The following MTUS2 variants were observed in gnomAD, a reference collection of about 807,000 sequenced individuals.
MTUS2 encodes microtubule associated scaffold protein 2.
In MTUS2, 40 loss-of-function variants were observed where a neutral mutation model predicts 114.1. The ratio of observed to expected loss-of-function variants is 0.35; its 90% CI spans 0.27 to 0.46. The LOEUF (loss-of-function observed/expected upper bound fraction) is 0.46, where lower values mean the gene tolerates loss of function less well. MTUS2 is among the 20% of genes least tolerant of loss of function. MTUS2 has a pLI of 1.00. For synonymous variants in MTUS2, 688 were observed against 672.0 expected (o/e 1.02, Z -0.37); for missense variants, 1,679 against 1,705.4 (o/e 0.98, Z 0.27).
At chr13:29,398,255 G>A (rs1449222453) in intron 8 of MTUS2, among the ~76,000 whole-genome samples, 3 of 152,156 alleles carry the variant, frequency 2.0e-5, no homozygotes, top group Non-Finnish European at 2.9e-5. Context: ...GAGGTCAGGA[G>A]TTCGAGACCA....
intron 1 of MTUS2, among the ~76,000 whole-genome samples, chr13:28,835,682 A>G (rs1018242427): frequency 1.3e-5 from 2 of 152,206 alleles, no homozygotes; most frequent in Admixed American, 6.5e-5. Context: ...GCTGTTATTT[A>G]AGAAATTGTT....
At chr13:29,220,169 T>TG (rs1384316906) in intron 5 of MTUS2, among the ~76,000 whole-genome samples, 5 of 152,002 alleles carry the variant, frequency 3.3e-5, no homozygotes, top group Non-Finnish European at 5.9e-5. Context: ...CTGACTTTTT[T>TG]GTTTTTTTTT....
intron 6 of MTUS2, among the ~76,000 whole-genome samples, chr13:29,324,180 C>T (rs1246686326): frequency 6.6e-6 from 1 of 152,186 alleles, no homozygotes; most frequent in Non-Finnish European, 1.5e-5. Context: ...TGGCTTGGCT[C>T]CGGGTAATGC....
intron 2 of MTUS2, among the ~76,000 whole-genome samples, chr13:28,939,858 G>A (rs1182014781): frequency 6.6e-6 from 1 of 152,208 alleles, no homozygotes; most frequent in African/African-American, 2.4e-5. Flanking sequence ...CAGTTCCCAT[G>A]GCTAGGGAGG....
intron 4 of MTUS2, among the ~76,000 whole-genome samples, chr13:29,084,237 A>G (rs571507924): frequency 6.6e-6 from 1 of 152,248 alleles, no homozygotes; most frequent in Non-Finnish European, 1.5e-5. Flanking sequence ...CTTACGTTGT[A>G]TAAATTCTTT....
In MTUS2 at chr13:29,503,887, T is replaced by C. The variant is rs1883072688; in HGVS notation, c.*681T>C. ...TCAACATGATGTGAGATCACTATTA[T>C]TCCATTCGCAAGTTTTAATTATTGA... is the stretch of plus-strand genomic sequence containing the variant. On this transcript the variant is annotated 3_prime_UTR_variant, in exon 16 of 16. Coordinates refer to ENST00000612955, the MANE Select transcript of MTUS2 (RefSeq NM_001033602.4). 8.6e-6 allele frequency: 2 copies of C among 232,306 alleles called. No homozygotes were observed. Among genetic ancestry groups the C allele is most frequent in the Non-Finnish European group, 1.7e-5 (2 of 117,384 alleles). The allele number at this position is 232,306 out of a possible 1,614,324, so 14.4% of individuals were successfully genotyped here.
At chr13:29,207,590 T>A (rs1895242540) in intron 5 of MTUS2, among the ~76,000 whole-genome samples, 1 of 152,156 alleles carries the variant, frequency 6.6e-6, no homozygotes, top group African/African-American at 2.4e-5. Flanking sequence ...TAACTTAAAG[T>A]GTATCCTTTC....
chr13:29,096,101 A>C (rs1373173523), intron 4 of MTUS2, among the ~76,000 whole-genome samples: 2 of 152,098 alleles, frequency 1.3e-5, no homozygotes, highest in East Asian at 3.9e-4. Context: ...ACTACTAATT[A>C]TCTCTCTTCC....
chr13:29,184,687 G>T (rs989317092), intron 5 of MTUS2, among the ~76,000 whole-genome samples: 7 of 152,194 alleles, frequency 4.6e-5, no homozygotes, highest in African/African-American at 1.7e-4. Flanking sequence ...ACAGACGTTA[G>T]TGGCACACGT....
At chr13:29,398,056 G>A (rs1057452028) in intron 8 of MTUS2, among the ~76,000 whole-genome samples, 4 of 152,012 alleles carry the variant, frequency 2.6e-5, no homozygotes, top group Non-Finnish European at 5.9e-5. Flanking sequence ...AAAACCATCT[G>A]TTTTATGTTG....
chr13:29,207,214 T>C (rs1008578991), intron 5 of MTUS2, among the ~76,000 whole-genome samples: 33 of 152,324 alleles, frequency 2.2e-4, no homozygotes, highest in African/African-American at 2.9e-4. Context: ...AGTTCTTTAA[T>C]TGATTGTCAG....
At chr13:28,853,496 A>G (rs1876433230) in intron 2 of MTUS2, among the ~76,000 whole-genome samples, 2 of 152,240 alleles carry the variant, frequency 1.3e-5, no homozygotes, top group East Asian at 1.9e-4. Context: ...CACTTGGGCA[A>G]CCTGTAAGGC....
chr13:29,390,375 C>T (rs897934275), intron 8 of MTUS2, among the ~76,000 whole-genome samples: 17 of 151,902 alleles, frequency 1.1e-4, no homozygotes, highest in African/African-American at 3.4e-4. Flanking sequence ...ATAATGTGGC[C>T]GGTTGCTGTG....
At chr13:29,303,382 A>C (rs1899295502) in intron 6 of MTUS2, among the ~76,000 whole-genome samples, 2 of 152,210 alleles carry the variant, frequency 1.3e-5, no homozygotes, top group Non-Finnish European at 2.9e-5. Context: ...GTTGTAACCC[A>C]ATGCAGAGAA....
chr13:29,162,852 C>T (rs1412717480), intron 5 of MTUS2, among the ~76,000 whole-genome samples: 1 of 152,162 alleles, frequency 6.6e-6, no homozygotes, highest in Admixed American at 6.5e-5. Flanking sequence ...CTTCGTATGC[C>T]CGAGACTTGC....
chr13:29,502,036 G>A (rs1050523836), intron 15 of MTUS2, among the ~76,000 whole-genome samples: 1 of 152,134 alleles, frequency 6.6e-6, no homozygotes, highest in Admixed American at 6.5e-5. Context: ...ATACGCTCTT[G>A]CACACATGCA....
chr13:29,046,099 A>G (rs1239836423), intron 4 of MTUS2, among the ~76,000 whole-genome samples: 1 of 145,576 alleles, frequency 6.9e-6, no homozygotes, highest in East Asian at 2.0e-4. Flanking sequence ...GCCACTACTG[A>G]TTTCTTGGTT....
At chr13:29,275,072 AT>A (rs1156805777) in intron 5 of MTUS2, among the ~76,000 whole-genome samples, 1 of 152,154 alleles carries the variant, frequency 6.6e-6, no homozygotes, top group Non-Finnish European at 1.5e-5. Flanking sequence ...CCAGACCGTT[AT>A]CAGATATGAC....
intron 4 of MTUS2, among the ~76,000 whole-genome samples, chr13:29,080,940 G>T (rs1365587301): frequency 1.3e-5 from 2 of 152,106 alleles, no homozygotes; most frequent in Non-Finnish European, 2.9e-5. Context: ...TGACCAGGGT[G>T]GTCTTGAACT....
Sources: gnomAD v4.1 joint callset for allele counts (sites outside exome capture counted in the v4.1 genomes callset) on GRCh38, gnomAD v4.1.1 for gene constraint, MANE v1.5 for transcripts, NCBI Gene and HGNC (gene_info 2026-07-23, HGNC 2026-07-21) for gene names.